The following CCDC57 variants were observed in gnomAD, a reference collection of about 807,000 sequenced individuals.
The protein encoded by CCDC57 is coiled-coil domain-containing protein 57.
Under a neutral mutation model 118.9 loss-of-function variants are expected in CCDC57, and 118 were observed. The ratio of observed to expected loss-of-function variants is 0.99; its 90% CI spans 0.86 to 1.16. The LOEUF is 1.16. CCDC57 is among the 50% of genes most tolerant of loss of function. The probability of loss-of-function intolerance (pLI) is 0.00; values close to 1 mark genes in which losing one functional copy is unlikely to be tolerated. For missense variants in CCDC57, 1,300 were observed against 1,320.7 expected (o/e 0.98, Z 0.24); for synonymous variants, 527 against 532.9 (o/e 0.99, Z 0.15).
chr17:82,177,539 C>A (rs1306252653), intron 11 of CCDC57, among the ~76,000 whole-genome samples: 1 of 152,054 alleles, frequency 6.6e-6, no homozygotes, highest in African/African-American at 2.4e-5. Flanking sequence ...CAAAGCGAGA[C>A]CGAGACCGTG....
intron 11 of CCDC57, among the ~76,000 whole-genome samples, chr17:82,174,615 C>T (rs1374750882): frequency 3.3e-5 from 5 of 152,182 alleles, no homozygotes; most frequent in Admixed American, 1.3e-4. Context: ...GCACCAACAA[C>T]GTCTGAAGTT....
chr17:82,132,586 CTTCT>C (rs897462599), intron 17 of CCDC57, among the ~76,000 whole-genome samples: 6 of 151,934 alleles, frequency 3.9e-5, no homozygotes, highest in African/African-American at 7.3e-5. Flanking sequence ...AATTTCCTTC[CTTCT>C]TTGTTTTTTG....
chr17:82,127,134 T>C, intron 19 of CCDC57: 4 of 985,438 alleles, frequency 4.1e-6, no homozygotes, highest in South Asian at 4.7e-5. Flanking sequence ...TTACCAGGCC[T>C]ATGACTTAGG....
At chr17:82,126,455 G>T (rs2037450864) in intron 19 of CCDC57, 1 of 975,702 alleles carries the variant, frequency 1.0e-6, no homozygotes, top group African/African-American at 1.7e-5. Context: ...CATATAATGA[G>T]CTGCTACAAA....
rs2035408109 is a variant in CCDC57 at position 82,113,087 on chromosome 17, T to C, written c.2900-11221A>G. The C allele has an allele frequency of 1.2e-5, 5 of 426,330 alleles. No homozygotes were observed. In the South Asian group the frequency reaches 2.0e-4, roughly 17 times the overall value. 26.4% of individuals were successfully genotyped at this position (426,330 alleles called of 1,614,324 possible). A position where few individuals can be genotyped will look rare whatever the true frequency, so the allele number is the denominator to read the frequency against. On this transcript the variant is annotated intron_variant, in intron 19 of 19. Transcript: ENST00000665763. ...GTTATTTCAACACAAGTTACTTTCC[T>C]AAGTGGCAGTCATGGTTTCGTCACT...
At chr17:82,103,758 C>T (rs991727165) in intron 19 of CCDC57, among the ~76,000 whole-genome samples, 1 of 152,144 alleles carries the variant, frequency 6.6e-6, no homozygotes, top group Non-Finnish European at 1.5e-5. Flanking sequence ...CTGAGCTGGC[C>T]CTGCTGGGAG....
intron 13 of CCDC57, 49 bp from the exon 13 acceptor site, chr17:82,163,406 G>T: frequency 6.3e-7 from 1 of 1,597,594 alleles, no homozygotes; most frequent in Non-Finnish European, 8.6e-7. Context: ...AACAAAGGAA[G>T]ACCTTTCTGG....
chr17:82,127,756 C>T (rs757556785), exon 19 of CCDC57: 13 of 1,612,562 alleles, frequency 8.1e-6, no homozygotes, highest in Non-Finnish European at 1.0e-5. Flanking sequence ...GCAACCTCCA[C>T]ATGTCCTGGA....
intron 19 of CCDC57, among the ~76,000 whole-genome samples, chr17:82,107,847 C>T (rs369239521): frequency 1.3e-5 from 2 of 152,182 alleles, no homozygotes; most frequent in Non-Finnish European, 2.9e-5. Context: ...ACAGTGCCAT[C>T]GGGTGCTCTC....
At chr17:82,166,007 C>A (rs1249964230) in intron 13 of CCDC57, among the ~76,000 whole-genome samples, 1 of 152,004 alleles carries the variant, frequency 6.6e-6, no homozygotes, top group Admixed American at 6.6e-5. Flanking sequence ...GATACAGTAA[C>A]AAATTACAGG....
intron 7 of CCDC57, among the ~76,000 whole-genome samples, chr17:82,191,898 G>A (rs529994787): frequency 2.2e-4 from 33 of 152,000 alleles, no homozygotes; most frequent in Admixed American, 6.6e-4. Context: ...GAACTCCAGA[G>A]CTGAAGCAAT....
exon 20 of CCDC57, chr17:82,101,577 A>C (rs767685624): frequency 2.8e-5 from 28 of 1,010,300 alleles, no homozygotes; most frequent in Non-Finnish European, 3.9e-5. Flanking sequence ...CCCTGCCTCC[A>C]CCCTGCACGC....
chr17:82,101,814 G>A (rs61735692), exon 20 of CCDC57: 69,992 of 1,600,034 alleles, frequency 0.044, 1,878 homozygotes, highest in Non-Finnish European at 0.051. Flanking sequence ...GGGTGGCAAT[G>A]CCTGCCTGCA....
chr17:82,168,388 A>G (rs1432948148), intron 13 of CCDC57, among the ~76,000 whole-genome samples: 1 of 152,208 alleles, frequency 6.6e-6, no homozygotes, highest in Non-Finnish European at 1.5e-5. Flanking sequence ...TGAGGCCAGA[A>G]GTTCGAGACC....
intron 16 of CCDC57, among the ~76,000 whole-genome samples, chr17:82,149,496 C>T (rs911699123): frequency 2.4e-4 from 37 of 152,204 alleles, no homozygotes; most frequent in Admixed American, 6.5e-4. Context: ...CGGCCATCTT[C>T]GCTGCTCACC....
intron 5 of CCDC57, 199 bp from the exon 5 acceptor site, chr17:82,194,338 T>C: frequency 1.8e-6 from 1 of 544,780 alleles, no homozygotes; most frequent in Non-Finnish European, 3.1e-6. Context: ...GGAGACAGAG[T>C]CTTGCTCTGT....
At chr17:82,194,227 T>C in intron 5 of CCDC57, 88 bp from the exon 5 acceptor site, 1 of 1,361,202 alleles carries the variant, frequency 7.3e-7, no homozygotes, top group Non-Finnish European at 1.0e-6. Context: ...TTATCAGGAT[T>C]GGGAGGGAGA....
At chr17:82,170,819 G>A (rs547615346) in intron 13 of CCDC57, among the ~76,000 whole-genome samples, 2 of 152,320 alleles carry the variant, frequency 1.3e-5, no homozygotes, top group East Asian at 3.9e-4. Flanking sequence ...TCATGAATTT[G>A]CAAATTAAAC....
intron 11 of CCDC57, among the ~76,000 whole-genome samples, chr17:82,175,933 G>A (rs941540899): frequency 2.0e-5 from 3 of 152,182 alleles, no homozygotes; most frequent in Non-Finnish European, 4.4e-5. Context: ...ACAATTTGCC[G>A]AGGTCTGGGA....
Sources: gnomAD v4.1 joint callset for allele counts (sites outside exome capture counted in the v4.1 genomes callset) on GRCh38, gnomAD v4.1.1 for gene constraint, MANE v1.5 for transcripts, NCBI Gene and HGNC (gene_info 2026-07-23, HGNC 2026-07-21) for gene names.